CHRNA5: variants seen among roughly 807,000 people sequenced by gnomAD.
CHRNA5 encodes the protein neuronal acetylcholine receptor subunit alpha-5.
CHRNA5 carries 28 observed loss-of-function variants against 41.2 expected under a neutral mutation model. The observed-to-expected ratio is 0.68, with a 90% CI of 0.50 to 0.93. The LOEUF (loss-of-function observed/expected upper bound fraction) is 0.93. Ranked by LOEUF, CHRNA5 falls within the 40% of genes least tolerant of loss-of-function variation. CHRNA5 has a pLI of 0.00. For missense variants in CHRNA5, 481 were observed against 581.9 expected (o/e 0.83, Z 1.78); for synonymous variants, 188 against 205.8 (o/e 0.91, Z 0.74).
rs1437592601 is a variant in CHRNA5, at chr15:78,584,652, T to TGC, written c.259-1992_259-1991dup. Among the ~76,000 whole-genome samples, 6 of 152,270 alleles carry TGC rather than the reference T, an allele frequency of 3.9e-5. No individual in the cohort carries two copies. In the East Asian group the frequency reaches 1.2e-3, roughly 29 times the overall value. On this transcript the variant is annotated intron_variant, in intron 2 of 5. Transcript: ENST00000299565. Reference sequence around the variant, plus strand: ...ACTGGGAGCCCAATTTATGTGTGTGTGCACATTTTTCTAGGGAAAGGCCCA... The same window carrying TGC: ...ACTGGGAGCCCAATTTATGTGTGTGTGCGCACATTTTTCTAGGGAAAGGCCCA...
rs647041 is a variant in CHRNA5 at position 78,588,139 on chromosome 15, T to C, written c.304-175T>C. 0.65 allele frequency among the ~76,000 whole-genome samples: 98,364 copies of C among 151,944 alleles called. 32,287 individuals carry two copies. Among genetic ancestry groups the C allele is most frequent in the East Asian group, 0.81 (4,182 of 5,164 alleles). On this transcript the variant is annotated intron_variant, in intron 3 of 5. Transcript: ENST00000299565. This position sits in a 1 kb window ranked among gnomAD's most constrained non-coding sequence, Gnocchi z 4.1. The stretch of plus-strand genomic sequence containing the variant: ...TCACAGGGACCATGGTGAGAACCAC[T>C]ACACAAGGGGACAGGGTTATCTGGT...
intron 1 of CHRNA5, among the ~76,000 whole-genome samples, chr15:78,570,420 G>T (rs664172): frequency 1.6e-5 from 2 of 126,164 alleles, no homozygotes; most frequent in African/African-American, 7.0e-5. Context: ...CACCAATCCC[G>T]GCTATTTTTT....
intron 1 of CHRNA5, among the ~76,000 whole-genome samples, chr15:78,568,895 T>A (rs1490680429): frequency 6.6e-6 from 1 of 152,148 alleles, no homozygotes; most frequent in Non-Finnish European, 1.5e-5. Flanking sequence ...TGGCTGAAAA[T>A]GAAATAGGAA....
intron 2 of CHRNA5, among the ~76,000 whole-genome samples, chr15:78,585,573 A>G (rs780039073): frequency 6.6e-6 from 1 of 152,118 alleles, no homozygotes; most frequent in Non-Finnish European, 1.5e-5. Flanking sequence ...TCCTGGCTCC[A>G]TGATATTTCA....
At chr15:78,582,692 G>T (rs766863293) in intron 2 of CHRNA5, among the ~76,000 whole-genome samples, 1 of 152,156 alleles carries the variant, frequency 6.6e-6, no homozygotes, top group African/African-American at 2.4e-5. Context: ...GGCTTTGTAG[G>T]AAGTGTAGGG....
chr15:78,568,926 A>C (rs1596054811), intron 1 of CHRNA5, among the ~76,000 whole-genome samples: 1 of 152,126 alleles, frequency 6.6e-6, no homozygotes, highest in East Asian at 1.9e-4. Context: ...TTCATAGAAA[A>C]TGAGAGCTAT....
At chr15:78,587,168 A>G (rs1420634732) in intron 3 of CHRNA5, among the ~76,000 whole-genome samples, 1 of 152,206 alleles carries the variant, frequency 6.6e-6, no homozygotes, top group Admixed American at 6.5e-5. Context: ...CATCAATTCA[A>G]GATGAGATTT....
At chr15:78,589,739 T>A in intron 4 of CHRNA5, 66 bp from the exon 5 acceptor site, 1 of 1,250,890 alleles carries the variant, frequency 8.0e-7, no homozygotes. Flanking sequence ...ATATTAGGCT[T>A]ATATTAATAC....
chr15:78,580,784 A>C (rs751511725), intron 1 of CHRNA5, 27 bp from the exon 2 acceptor site: 5 of 1,588,046 alleles, frequency 3.1e-6, no homozygotes, highest in Non-Finnish European at 3.4e-6. Context: ...AAGCGAGTAC[A>C]TTAACTTTTA....
intron 2 of CHRNA5, among the ~76,000 whole-genome samples, chr15:78,583,813 A>G (rs1207256045): frequency 6.6e-6 from 1 of 152,200 alleles, no homozygotes; most frequent in Non-Finnish European, 1.5e-5. Flanking sequence ...GCTTTTGGGA[A>G]GTCAAGACTG....
chr15:78,580,643 CTT>C (rs200155640), intron 1 of CHRNA5, among the ~76,000 whole-genome samples, 166 bp from the exon 2 acceptor site: 2 of 145,278 alleles, frequency 1.4e-5, no homozygotes, highest in Non-Finnish European at 1.5e-5. Context: ...TTTTTTTTTC[CTT>C]TTTTTTTTTG....
At chr15:78,567,981 C>T (rs2052765422) in intron 1 of CHRNA5, among the ~76,000 whole-genome samples, 1 of 152,180 alleles carries the variant, frequency 6.6e-6, no homozygotes, top group South Asian at 2.1e-4. Context: ...TTTCCTTGGA[C>T]GTATTACTTG....
chr15:78,569,459 A>C (rs912875283), intron 1 of CHRNA5, among the ~76,000 whole-genome samples: 2 of 138,464 alleles, frequency 1.4e-5, no homozygotes, highest in African/African-American at 5.6e-5. Context: ...TTTGAGACGG[A>C]GTCTTGCACT....
intron 1 of CHRNA5, among the ~76,000 whole-genome samples, chr15:78,576,108 C>T (rs1453361547): frequency 6.6e-6 from 1 of 152,058 alleles, no homozygotes; most frequent in East Asian, 1.9e-4. Flanking sequence ...TGTAAGGGAT[C>T]TTTTGAAGTC....
intron 1 of CHRNA5, among the ~76,000 whole-genome samples, chr15:78,570,837 G>A (rs970411429): frequency 6.6e-6 from 1 of 152,026 alleles, no homozygotes; most frequent in African/African-American, 2.4e-5. Context: ...GTTATTCTTT[G>A]TTGTCAGAGG....
At chr15:78,580,953 G>A (rs771858151) in exon 2 of CHRNA5, 1 of 1,612,904 alleles carries the variant, frequency 6.2e-7, no homozygotes, top group South Asian at 1.1e-5. Context: ...TATCTCAATT[G>A]GTGGATGTGG....
At chr15:78,569,419 G>C (rs1369026526) in intron 1 of CHRNA5, among the ~76,000 whole-genome samples, 1 of 149,342 alleles carries the variant, frequency 6.7e-6, no homozygotes, top group African/African-American at 2.5e-5. Flanking sequence ...AATTAGAGTT[G>C]TTAAATATTG....
At position 78,593,056 on chromosome 15, in the gene CHRNA5, C is replaced by T. The variant is rs1231364841; in HGVS notation, c.1246-36C>T. The stretch of plus-strand genomic sequence containing the variant: ...TATCTTAAAATATGTACACAATTTA[C>T]AATTATTTAATGCATTTTTATTTTT... On this transcript the variant is annotated intron_variant, in intron 5 of 5. Transcript: ENST00000299565. 3.8e-6 allele frequency: 6 copies of T among 1,590,740 alleles called. No individual in the cohort carries two copies. The Admixed American group carries it at 5.4e-5, about 14-fold the overall frequency.
At chr15:78,590,295 A>G in exon 5 of CHRNA5, 1 of 1,613,956 alleles carries the variant, frequency 6.2e-7, no homozygotes, top group African/African-American at 1.3e-5. Flanking sequence ...TATTGAAGAG[A>G]TCATACCATC....
Sources: gnomAD v4.1 joint callset for allele counts (sites outside exome capture counted in the v4.1 genomes callset) on GRCh38, gnomAD v4.1.1 for gene constraint, Gnocchi (gnomAD v3.1) non-coding constraint, MANE v1.5 for transcripts, NCBI Gene and HGNC (gene_info 2026-07-23, HGNC 2026-07-21) for gene names.